CNTNAP2: variants seen among roughly 807,000 people sequenced by gnomAD.
The protein encoded by CNTNAP2 is contactin associated protein 2.
Under a neutral mutation model 155.2 loss-of-function variants are expected in CNTNAP2, and 98 were observed. That is an observed-to-expected ratio of 0.63 (90% CI 0.54 to 0.75). The LOEUF is 0.75. Among genes scored for constraint, CNTNAP2 ranks in the 30% least tolerant of loss-of-function variants. The probability of loss-of-function intolerance (pLI) is 0.00; values close to 1 mark genes in which losing one functional copy is unlikely to be tolerated. For synonymous variants in CNTNAP2, 651 were observed against 631.2 expected, an observed-to-expected ratio of 1.03 and a Z score of -0.47; for missense variants, 1,727 against 1,688.1, an observed-to-expected ratio of 1.02 and a Z score of -0.40.
intron 8 of CNTNAP2, among the ~76,000 whole-genome samples, chr7:147,145,813 A>T (rs1801690314): frequency 6.6e-6 from 1 of 152,242 alleles, no homozygotes; most frequent in Non-Finnish European, 1.5e-5. Context: ...AAAGCAATGA[A>T]GAGACGTTGT....
chr7:147,385,242 A>C (rs1796605743), intron 9 of CNTNAP2, among the ~76,000 whole-genome samples: 1 of 152,208 alleles, frequency 6.6e-6, no homozygotes, highest in African/African-American at 2.4e-5. Context: ...GGGTGGGGAC[A>C]CAGCCAAACC....
chr7:146,608,414 T>C (rs1799081661), intron 1 of CNTNAP2, among the ~76,000 whole-genome samples: 1 of 152,202 alleles, frequency 6.6e-6, no homozygotes, highest in Admixed American at 6.5e-5. Flanking sequence ...AATTCTCTTC[T>C]ATAGAATGAA....
At chr7:147,837,258 CAAGAG>C (rs1263656964) in intron 13 of CNTNAP2, among the ~76,000 whole-genome samples, 1 of 152,188 alleles carries the variant, frequency 6.6e-6, no homozygotes, top group Admixed American at 6.5e-5. Context: ...TGGTGGCAGA[CAAGAG>C]AAGAGAGCTT....
chr7:146,468,130 T>A (rs185274233), intron 1 of CNTNAP2, among the ~76,000 whole-genome samples: 66 of 152,278 alleles, frequency 4.3e-4, no homozygotes, highest in Middle Eastern at 3.4e-3. Context: ...TAAAATTTTT[T>A]AAAAAGTACA....
intron 15 of CNTNAP2, among the ~76,000 whole-genome samples, chr7:148,020,655 A>T (rs1188923159): frequency 6.6e-6 from 1 of 152,238 alleles, no homozygotes; most frequent in East Asian, 1.9e-4. Flanking sequence ...TTTCAGTAAA[A>T]CGATATTTTT....
At chr7:146,322,679 A>C (rs747907822) in intron 1 of CNTNAP2, among the ~76,000 whole-genome samples, 24 of 123,458 alleles carry the variant, frequency 1.9e-4, no homozygotes, top group Admixed American at 5.3e-4. Flanking sequence ...ACTGACACTC[A>C]GTAGGTCTTC....
chr7:147,029,635 T>C (rs1320599490), intron 3 of CNTNAP2, among the ~76,000 whole-genome samples: 1 of 152,106 alleles, frequency 6.6e-6, no homozygotes, highest in African/African-American at 2.4e-5. Flanking sequence ...TCACTTATTT[T>C]AGCTCTTCTA....
chr7:146,482,422 T>G (rs1796975713), intron 1 of CNTNAP2, among the ~76,000 whole-genome samples: 1 of 151,504 alleles, frequency 6.6e-6, no homozygotes, highest in Middle Eastern at 3.2e-3. Context: ...TATATATATC[T>G]GTGCATGTGT....
intron 11 of CNTNAP2, among the ~76,000 whole-genome samples, chr7:147,558,538 C>T (rs1799993242): frequency 6.6e-6 from 1 of 152,276 alleles, no homozygotes; most frequent in Non-Finnish European, 1.5e-5. Context: ...TTTTAATAAG[C>T]TCTCCAGGTG....
intron 16 of CNTNAP2, among the ~76,000 whole-genome samples, chr7:148,125,637 A>G (rs1314586401): frequency 6.8e-6 from 1 of 146,016 alleles, no homozygotes; most frequent in East Asian, 2.0e-4. Flanking sequence ...GAGACTAGTA[A>G]TCTCTGTTAT....
chr7:146,180,726 G>A (rs968228298), intron 1 of CNTNAP2, among the ~76,000 whole-genome samples: 1 of 152,014 alleles, frequency 6.6e-6, no homozygotes, highest in African/African-American at 2.4e-5. Flanking sequence ...GGTTCAATTT[G>A]CCGTAATGTA....
At chr7:146,830,415 G>A (rs1465352937) in intron 2 of CNTNAP2, among the ~76,000 whole-genome samples, 1 of 152,040 alleles carries the variant, frequency 6.6e-6, no homozygotes, top group Non-Finnish European at 1.5e-5. Context: ...TATGTTCATT[G>A]TGTGATAATT....
At chr7:147,337,214 T>C (rs1795678910) in intron 9 of CNTNAP2, among the ~76,000 whole-genome samples, 2 of 152,222 alleles carry the variant, frequency 1.3e-5, no homozygotes, top group South Asian at 4.1e-4. Context: ...TTAGGATGTA[T>C]GGTGAGCCAG....
At chr7:148,293,933 G>C (rs1422835742) in intron 21 of CNTNAP2, among the ~76,000 whole-genome samples, 2 of 151,262 alleles carry the variant, frequency 1.3e-5, no homozygotes. Flanking sequence ...TACTCGGGAG[G>C]CTGAGGCAGG....
At chr7:146,349,926 T>C (rs564546090) in intron 1 of CNTNAP2, among the ~76,000 whole-genome samples, 13 of 152,254 alleles carry the variant, frequency 8.5e-5, no homozygotes, top group African/African-American at 2.6e-4. Context: ...TCAACTTTGG[T>C]GAATCTGACA....
At chr7:147,133,047 T>A (rs1801408128) in intron 8 of CNTNAP2, among the ~76,000 whole-genome samples, 1 of 152,124 alleles carries the variant, frequency 6.6e-6, no homozygotes, top group Non-Finnish European at 1.5e-5. Context: ...GTGTATCAAC[T>A]GACGGAAGAC....
intron 1 of CNTNAP2, among the ~76,000 whole-genome samples, chr7:146,131,885 G>C (rs1797719679): frequency 6.6e-6 from 1 of 151,996 alleles, no homozygotes; most frequent in African/African-American, 2.4e-5. Context: ...TCAATCTGAT[G>C]GTGTTAAAAG....
intron 1 of CNTNAP2, among the ~76,000 whole-genome samples, chr7:146,678,478 A>C (rs1362478380): frequency 6.6e-6 from 1 of 152,136 alleles, no homozygotes; most frequent in Non-Finnish European, 1.5e-5. Context: ...ATGCAAAACA[A>C]TTATTTATAT....
At chr7:146,316,721 T>A (rs1800912377) in intron 1 of CNTNAP2, among the ~76,000 whole-genome samples, 1 of 152,096 alleles carries the variant, frequency 6.6e-6, no homozygotes, top group Admixed American at 6.5e-5. Context: ...AACTGTGTCC[T>A]GTATGACAGA....
Sources: allele counts gnomAD v4.1 joint callset (sites outside exome capture counted in the v4.1 genomes callset), GRCh38; gene constraint gnomAD v4.1.1; transcripts MANE v1.5; gene names NCBI Gene and HGNC (gene_info 2026-07-23, HGNC 2026-07-21).